XKR9: variants seen among roughly 807,000 people sequenced by gnomAD.
The protein encoded by XKR9 is XK related 9, also known as XK-related protein 9.
XKR9 carries 32 observed loss-of-function variants against 32.0 expected under a neutral mutation model. That is an observed-to-expected ratio of 1.00 (90% CI 0.76 to 1.34). The LOEUF (loss-of-function observed/expected upper bound fraction) is 1.34, where lower values mean the gene tolerates loss of function less well. Ranked by LOEUF, XKR9 falls within the 40% of genes most tolerant of loss-of-function variation. XKR9 has a pLI of 0.00. For missense variants in XKR9, 546 were observed against 429.7 expected, an observed-to-expected ratio of 1.27 and a Z score of -2.39; for synonymous variants, 168 against 143.4, an observed-to-expected ratio of 1.17 and a Z score of -1.22.
intron 2 of XKR9, among the ~76,000 whole-genome samples, chr8:70,761,900 AT>A (rs139227120): frequency 6.6e-6 from 1 of 150,838 alleles, no homozygotes; most frequent in Non-Finnish European, 1.5e-5. Context: ...TCCAGTTTCA[AT>A]TTTTTTTTGC....
At chr8:70,775,888 G>A (rs981034771) in intron 2 of XKR9, among the ~76,000 whole-genome samples, 11 of 151,966 alleles carry the variant, frequency 7.2e-5, no homozygotes, top group Non-Finnish European at 1.0e-4. Flanking sequence ...GGGACCACAA[G>A]TGTGTGCCAC....
At chr8:70,695,342 A>C (rs1276191924) in intron 3 of XKR9, among the ~76,000 whole-genome samples, 4 of 70,260 alleles carry the variant, frequency 5.7e-5, no homozygotes, top group Admixed American at 1.9e-4. Context: ...GCCACCCCAC[A>C]ACAGTCCCCA....
the XKR9 span, among the ~76,000 whole-genome samples, chr8:70,875,130 G>A: frequency 6.6e-6 from 1 of 152,038 alleles, no homozygotes; most frequent in African/African-American, 2.4e-5. Context: ...CTTGTTCTCT[G>A]CCTTATATCA....
the XKR9 span, among the ~76,000 whole-genome samples, chr8:70,803,953 A>C: frequency 6.6e-6 from 1 of 152,194 alleles, no homozygotes; most frequent in Non-Finnish European, 1.5e-5. Flanking sequence ...AGTGGCAGGG[A>C]TAGGTGGGGT....
At chr8:70,952,916 A>C in the XKR9 span, among the ~76,000 whole-genome samples, 12 of 152,228 alleles carry the variant, frequency 7.9e-5, no homozygotes, top group Admixed American at 3.3e-4. Flanking sequence ...TTTTTTCATC[A>C]AATGACATTG....
chr8:70,853,482 A>T, the XKR9 span, among the ~76,000 whole-genome samples: 3 of 151,956 alleles, frequency 2.0e-5, no homozygotes, highest in Non-Finnish European at 4.4e-5. Flanking sequence ...CTACCTATAC[A>T]TCTACCATGT....
chr8:71,040,273 G>A, the XKR9 span, among the ~76,000 whole-genome samples: 1 of 152,138 alleles, frequency 6.6e-6, no homozygotes, highest in Non-Finnish European at 1.5e-5. Flanking sequence ...AAGGGGAAGA[G>A]GAAGTGACTG....
the XKR9 span, among the ~76,000 whole-genome samples, chr8:70,801,240 C>G: frequency 6.6e-6 from 1 of 151,992 alleles, no homozygotes; most frequent in Non-Finnish European, 1.5e-5. Context: ...TCTAGTTCCT[C>G]TAGGTGTGGT....
chr8:70,921,294 A>G, the XKR9 span, among the ~76,000 whole-genome samples: 1 of 152,150 alleles, frequency 6.6e-6, no homozygotes, highest in Non-Finnish European at 1.5e-5. Flanking sequence ...AGGCCTCTGC[A>G]ATGTCTGACC....
At position 70,734,432 on chromosome 8, in the gene XKR9, A is replaced by C. The variant is rs373034048; in HGVS notation, c.*8A>C. On this transcript the variant is annotated 3_prime_UTR_variant, in exon 5 of 5. Transcript: ENST00000408926. The stretch of plus-strand genomic sequence containing the variant: ...TATTTCCTAATGGAATAAGCTATTC[A>C]TTTATGATATATATTTTCTTATATT... The C allele has an allele frequency of 3.0e-5, 46 of 1,518,230 alleles. No homozygotes were observed. Among genetic ancestry groups the C allele is most frequent in the Non-Finnish European group, 3.9e-5 (45 of 1,145,432 alleles). The allele number at this position is 1,518,230 out of a possible 1,614,324, so 94.0% of individuals were successfully genotyped here. A position where few individuals can be genotyped will look rare whatever the true frequency, so the allele number is the denominator to read the frequency against.
In XKR9 at chr8:70,724,781, G is replaced by C. The variant is rs180715547; in HGVS notation, c.494-9015G>C. Among the ~76,000 whole-genome samples, 251 of 152,236 alleles carry C rather than the reference G, an allele frequency of 1.6e-3. 6 individuals are homozygous for C. The South Asian group carries it at 0.05, about 30-fold the overall frequency. On this transcript the variant is annotated intron_variant, in intron 4 of 4. Transcript: ENST00000408926. ...GCAGAAATCACCCACCTTCTGCATT[G>C]GTCTTGTTGGGAGCTGCAGACCGGA...
At chr8:70,874,508 A>T in the XKR9 span, among the ~76,000 whole-genome samples, 3 of 152,208 alleles carry the variant, frequency 2.0e-5, no homozygotes, top group Non-Finnish European at 4.4e-5. Flanking sequence ...CAAACAGAAG[A>T]ATATTTTAAG....
At chr8:70,876,103 T>C in the XKR9 span, among the ~76,000 whole-genome samples, 3 of 152,102 alleles carry the variant, frequency 2.0e-5, no homozygotes, top group Non-Finnish European at 1.5e-5. Flanking sequence ...AAGCATAACA[T>C]ATCAGAACTA....
chr8:70,954,422 T>G, the XKR9 span, among the ~76,000 whole-genome samples: 16 of 152,358 alleles, frequency 1.1e-4, no homozygotes, highest in Admixed American at 9.1e-4. Context: ...TTCTCCACCT[T>G]GATATCTGCA....
chr8:70,948,874 C>T, the XKR9 span, among the ~76,000 whole-genome samples: 1 of 152,158 alleles, frequency 6.6e-6, no homozygotes, highest in Non-Finnish European at 1.5e-5. Flanking sequence ...TACAAGAATT[C>T]TTCAGGAAGT....
chr8:70,879,033 AACAACTTGCTCCTG>A, the XKR9 span, among the ~76,000 whole-genome samples: 2 of 152,242 alleles, frequency 1.3e-5, no homozygotes, highest in Non-Finnish European at 2.9e-5. Flanking sequence ...ATGGAAACTG[AACAACTTGCTCCTG>A]AATGACTACT....
intron 3 of XKR9, among the ~76,000 whole-genome samples, chr8:70,691,073 G>A (rs1469528514): frequency 6.6e-6 from 1 of 152,132 alleles, no homozygotes; most frequent in African/African-American, 2.4e-5. Flanking sequence ...GCCAGCATCT[G>A]TTATTTTTTG....
chr8:70,756,367 G>A (rs1586885478), intron 2 of XKR9, among the ~76,000 whole-genome samples: 1 of 152,292 alleles, frequency 6.6e-6, no homozygotes, highest in Non-Finnish European at 1.5e-5. Flanking sequence ...AATTTCATAT[G>A]AATTTTAGAA....
the XKR9 span, among the ~76,000 whole-genome samples, chr8:71,013,246 G>T: frequency 6.6e-6 from 1 of 152,166 alleles, no homozygotes; most frequent in African/African-American, 2.4e-5. Context: ...TAGATGAAGG[G>T]TAGGGGCCAT....
Sources: allele counts gnomAD v4.1 joint callset (sites outside exome capture counted in the v4.1 genomes callset), GRCh38; gene constraint gnomAD v4.1.1; transcripts MANE v1.5; gene names NCBI Gene and HGNC (gene_info 2026-07-23, HGNC 2026-07-21).